Variants in PCDH11X observed in about 807,000 individuals in gnomAD.
The protein encoded by PCDH11X is protocadherin-11 X-linked.
In PCDH11X, 18 loss-of-function variants were observed where a neutral mutation model predicts 53.3. The observed-to-expected ratio is 0.34, with a 90% confidence interval of 0.23 to 0.50. PCDH11X has a LOEUF of 0.50. Ranked by LOEUF, PCDH11X falls within the 20% of genes least tolerant of loss-of-function variation. PCDH11X has a pLI of 0.98. For synonymous variants in PCDH11X, 279 were observed against 393.3 expected (o/e 0.71, Z 3.44); for missense variants, 570 against 1,032.4 (o/e 0.55, Z 6.14).
chrX:92,312,410 C>T (rs779487382), intron 8 of PCDH11X, among the ~76,000 whole-genome samples: 1 of 109,542 alleles, frequency 9.1e-6, no homozygotes, highest in African/African-American at 3.3e-5. Context: ...AGATTTATTT[C>T]GGTGCCACAT....
intron 6 of PCDH11X, among the ~76,000 whole-genome samples, chrX:92,124,318 G>A (rs6618867): frequency 4.5e-5 from 5 of 110,041 alleles, no homozygotes; most frequent in Admixed American, 9.8e-5. Flanking sequence ...AGGCTGAGGC[G>A]GGCGGATCAC....
intron 1 of PCDH11X, among the ~76,000 whole-genome samples, chrX:91,801,977 C>T (rs1935952165): frequency 1.8e-5 from 2 of 113,285 alleles, no homozygotes; most frequent in South Asian, 3.5e-4. Flanking sequence ...GAATTGGTCT[C>T]GAGAGAAAAT....
At chrX:92,601,931 C>T (rs1330873191) in intron 10 of PCDH11X, among the ~76,000 whole-genome samples, 2 of 111,860 alleles carry the variant, frequency 1.8e-5, no homozygotes, top group Non-Finnish European at 3.8e-5. Context: ...GTTGCAGAAG[C>T]TCTATTATAG....
At chrX:92,101,701 A>G (rs1413089917) in intron 6 of PCDH11X, among the ~76,000 whole-genome samples, 1 of 110,086 alleles carries the variant, frequency 9.1e-6, no homozygotes, top group African/African-American at 3.4e-5. Context: ...GAAAGTGTCT[A>G]TTTAGACTAA....
At chrX:91,791,987 G>A (rs1483369857) in intron 1 of PCDH11X, among the ~76,000 whole-genome samples, 1 of 106,639 alleles carries the variant, frequency 9.4e-6, no homozygotes, top group Non-Finnish European at 1.9e-5. Context: ...TCAGCCTCCC[G>A]AGTAGCTGGG....
intron 10 of PCDH11X, among the ~76,000 whole-genome samples, chrX:92,578,392 G>A (rs957500817): frequency 1.8e-5 from 2 of 110,195 alleles, no homozygotes; most frequent in African/African-American, 6.6e-5. Context: ...CACTATTATT[G>A]TGTGGGAGTC....
chrX:91,795,799 A>C (rs1935713381), intron 1 of PCDH11X, among the ~76,000 whole-genome samples: 1 of 111,865 alleles, frequency 8.9e-6, no homozygotes, highest in South Asian at 3.7e-4. Context: ...ACAGTTTTAT[A>C]GTCATCTTAA....
intron 1 of PCDH11X, among the ~76,000 whole-genome samples, chrX:91,791,979 A>G (rs1442465103): frequency 9.5e-6 from 1 of 105,525 alleles, no homozygotes. Flanking sequence ...CTCCTGCCTC[A>G]GCCTCCCGAG....
intron 10 of PCDH11X, among the ~76,000 whole-genome samples, chrX:92,546,917 G>T (rs142525736): frequency 0.01 from 1,124 of 111,533 alleles, 16 homozygotes; most frequent in African/African-American, 0.035. Context: ...TATTTCAAAG[G>T]CTTGTTGCCT....
In PCDH11X at chrX:92,618,512, G is replaced by A. The variant is rs1194029225; in HGVS notation, c.3616G>A (p.Ala1206Thr). ...CHSPPVTQTI[A>T]LCHSPPPIQV... is the part of the protein sequence containing the mutation. ...CAGCCCTCCAGTGACACAGACCATC[G>A]CATTGTGCCACAGCCCACCACCGAT... Residue 1206 changes from alanine to threonine, a missense_variant, in exon 11 of 11, where the codon GCA (alanine) becomes ACA (threonine). Ala to Thr is a moderately conservative substitution (Grantham distance 58). Transcript: ENST00000682573. The A allele has an allele frequency of 6.6e-6, 8 of 1,211,108 alleles. No individual in the cohort carries two copies. The highest frequency in any genetic ancestry group is 5.3e-5 in the South Asian group (3 of 56,921).
At chrX:92,239,325 G>C (rs2067223923) in intron 7 of PCDH11X, among the ~76,000 whole-genome samples, 1 of 111,005 alleles carries the variant, frequency 9.0e-6, no homozygotes, top group African/African-American at 3.3e-5. Context: ...AGTCCACCAG[G>C]CGTAGACTTA....
intron 6 of PCDH11X, among the ~76,000 whole-genome samples, chrX:92,107,456 G>C (rs1023112227): frequency 8.9e-6 from 1 of 112,516 alleles, no homozygotes; most frequent in African/African-American, 3.2e-5. Flanking sequence ...TCACCAAGAG[G>C]CTGGGTGTGG....
intron 6 of PCDH11X, chrX:92,113,766 A>G (rs2148163343): frequency 9.2e-6 from 11 of 1,199,071 alleles, no homozygotes; most frequent in Non-Finnish European, 1.2e-5. Flanking sequence ...CAAGAATCCG[A>G]ATGGGGTCCC....
At position 91,840,049 on chromosome X, in the gene PCDH11X, G is replaced by GT. The variant is rs753026144; in HGVS notation, c.540+4006dup. 9.3e-4 allele frequency among the ~76,000 whole-genome samples: 103 copies of GT among 110,675 alleles called. 1 individual carries two copies. The highest frequency in any genetic ancestry group is 1.8e-3 in the Non-Finnish European group (93 of 52,819). On this transcript the variant is annotated intron_variant, in intron 5 of 10. Coordinates refer to ENST00000682573, the MANE Select transcript of PCDH11X (RefSeq NM_032968.5). ...TATTTATAAAGCTTTTTAAAATATT[G>GT]TAAGTATTTTTTGACAGGGAAGCCA...
chrX:91,950,074 G>A lies in PCDH11X; in HGVS notation c.3033+70801G>A, dbSNP rs949473888. On this transcript the variant is annotated intron_variant, in intron 6 of 10. Transcript: ENST00000682573. ...TAAATTCTTGTAGAATGTATTTCAA[G>A]ACAAAACTATATTTCAGCATTTCAA... is the stretch of plus-strand genomic sequence containing the variant. 9.0e-5 allele frequency among the ~76,000 whole-genome samples: 10 copies of A among 110,662 alleles called. No individual in the cohort carries two copies. In the South Asian group the frequency reaches 3.8e-3, roughly 42 times the overall value.
intron 6 of PCDH11X, among the ~76,000 whole-genome samples, chrX:91,959,818 G>C (rs1203074041): frequency 9.2e-6 from 1 of 108,877 alleles, no homozygotes; most frequent in African/African-American, 3.3e-5. Flanking sequence ...TCTGAAGAGG[G>C]GTTGTTGAAT....
intron 6 of PCDH11X, among the ~76,000 whole-genome samples, chrX:91,922,106 G>A (rs1941764467): frequency 9.0e-6 from 1 of 111,010 alleles, no homozygotes; most frequent in Non-Finnish European, 1.9e-5. Context: ...ATCTGTTATT[G>A]CTAATGTTGG....
intron 6 of PCDH11X, chrX:91,983,147 C>T (rs2062169154): frequency 2.0e-5 from 19 of 954,632 alleles, no homozygotes; most frequent in African/African-American, 3.9e-5. Flanking sequence ...TGTGCTCCTG[C>T]TTGTACCCTG....
intron 8 of PCDH11X, among the ~76,000 whole-genome samples, chrX:92,378,077 A>G (rs1427153742): frequency 9.5e-6 from 1 of 105,678 alleles, no homozygotes; most frequent in African/African-American, 3.4e-5. Flanking sequence ...TGATCTACAA[A>G]GAGGGTATAT....
Sources: allele counts gnomAD v4.1 joint callset (sites outside exome capture counted in the v4.1 genomes callset), GRCh38; gene constraint gnomAD v4.1.1; transcripts MANE v1.5; gene names NCBI Gene and HGNC (gene_info 2026-07-23, HGNC 2026-07-21).